The following GABRG3 variants were observed in gnomAD, a reference collection of about 807,000 sequenced individuals.
GABRG3 encodes gamma-aminobutyric acid type A receptor subunit gamma3.
In GABRG3, 25 loss-of-function variants were observed where a neutral mutation model predicts 48.8. That is an observed-to-expected ratio of 0.51 (90% CI 0.37 to 0.72). GABRG3 has a LOEUF of 0.72. Among genes scored for constraint, GABRG3 ranks in the 30% least tolerant of loss-of-function variants. GABRG3 has a pLI of 0.00. For missense variants in GABRG3, 394 were observed against 577.9 expected (o/e 0.68, Z 3.26); for synonymous variants, 227 against 217.6 (o/e 1.04, Z -0.38).
intron 3 of GABRG3, among the ~76,000 whole-genome samples, chr15:27,306,333 C>G (rs1006951891): frequency 2.9e-4 from 38 of 129,662 alleles, no homozygotes; most frequent in Admixed American, 8.4e-5. Context: ...TATATATAAA[C>G]ATAAAATATA....
At chr15:27,095,324 A>G (rs1264884416) in intron 3 of GABRG3, among the ~76,000 whole-genome samples, 1 of 152,216 alleles carries the variant, frequency 6.6e-6, no homozygotes, top group East Asian at 1.9e-4. Flanking sequence ...AGAATTGGTA[A>G]ATGCATATGC....
chr15:27,345,414 G>T lies in GABRG3; in HGVS notation c.574+16526G>T, dbSNP rs947239326. On this transcript the variant is annotated intron_variant, in intron 5 of 9. Transcript: ENST00000615808. ...ATTTTACATTTTTAACAAAGCAAAG[G>T]CTTCTTGCAAATAATATGATACTGC... 2.6e-5 allele frequency among the ~76,000 whole-genome samples: 4 copies of T among 152,246 alleles called. No individual in the cohort carries two copies. In the East Asian group the frequency reaches 5.8e-4, roughly 22 times the overall value.
chr15:27,368,528 G>T (rs1895288198), intron 5 of GABRG3, among the ~76,000 whole-genome samples: 1 of 152,186 alleles, frequency 6.6e-6, no homozygotes, highest in Non-Finnish European at 1.5e-5. Flanking sequence ...TCTGTCCAAG[G>T]TGCATAGTTG....
At chr15:27,423,978 A>G (rs1028431276) in intron 5 of GABRG3, among the ~76,000 whole-genome samples, 1 of 152,060 alleles carries the variant, frequency 6.6e-6, no homozygotes, top group Non-Finnish European at 1.5e-5. Flanking sequence ...AACATAATAC[A>G]CAGACAATAA....
intron 3 of GABRG3, among the ~76,000 whole-genome samples, chr15:27,298,494 T>C (rs1420947168): frequency 6.6e-6 from 1 of 152,068 alleles, no homozygotes; most frequent in Non-Finnish European, 1.5e-5. Context: ...GAATAGTCAA[T>C]TATGTATTCG....
At chr15:27,164,326 C>G (rs2140406151) in intron 3 of GABRG3, among the ~76,000 whole-genome samples, 1 of 152,250 alleles carries the variant, frequency 6.6e-6, no homozygotes, top group South Asian at 2.1e-4. Flanking sequence ...AGAATGAAAA[C>G]ATTCCCCCGC....
chr15:27,029,538 G>GCGCACACACA (rs546359192), intron 3 of GABRG3, among the ~76,000 whole-genome samples: 3 of 151,832 alleles, frequency 2.0e-5, no homozygotes, highest in African/African-American at 2.4e-5. Context: ...ACACATACAG[G>GCGCACACACA]CGCACACACA....
chr15:27,064,416 C>T (rs570477728), intron 3 of GABRG3, among the ~76,000 whole-genome samples: 5 of 152,240 alleles, frequency 3.3e-5, no homozygotes, highest in African/African-American at 9.6e-5. Flanking sequence ...CCCTTCTCTT[C>T]GTCCATGAAT....
intron 3 of GABRG3, among the ~76,000 whole-genome samples, chr15:27,297,154 G>C (rs1032223975): frequency 1.3e-5 from 2 of 152,112 alleles, no homozygotes; most frequent in African/African-American, 2.4e-5. Flanking sequence ...AATCGTTTTT[G>C]TATAGTAGTA....
chr15:27,409,171 AAAT>A (rs1390109760), intron 5 of GABRG3, among the ~76,000 whole-genome samples: 1 of 152,138 alleles, frequency 6.6e-6, no homozygotes, highest in Non-Finnish European at 1.5e-5. Flanking sequence ...TCATACCTAA[AAAT>A]TCATTGTCTA....
chr15:27,247,948 T>G (rs1462381405), intron 3 of GABRG3, among the ~76,000 whole-genome samples: 1 of 152,150 alleles, frequency 6.6e-6, no homozygotes, highest in African/African-American at 2.4e-5. Context: ...GAGATTTGGG[T>G]GGGGACACAG....
chr15:27,406,919 TC>T (rs1887652540), intron 5 of GABRG3, among the ~76,000 whole-genome samples: 1 of 152,176 alleles, frequency 6.6e-6, no homozygotes, highest in South Asian at 2.1e-4. Context: ...AAATTTTTTT[TC>T]TTTTTGTTGT....
intron 3 of GABRG3, among the ~76,000 whole-genome samples, chr15:27,082,266 A>T (rs1171605977): frequency 1.3e-5 from 2 of 152,204 alleles, no homozygotes; most frequent in African/African-American, 4.8e-5. Context: ...TTGACCTCTG[A>T]CCTGAAAAGC....
At chr15:27,463,790 T>C (rs1889521032) in intron 5 of GABRG3, among the ~76,000 whole-genome samples, 1 of 152,210 alleles carries the variant, frequency 6.6e-6, no homozygotes, top group Non-Finnish European at 1.5e-5. Context: ...AGAAGCACTG[T>C]GCAGGGGGAG....
chr15:27,098,886 T>C (rs1897310041), intron 3 of GABRG3, among the ~76,000 whole-genome samples: 1 of 151,742 alleles, frequency 6.6e-6, no homozygotes, highest in Admixed American at 6.6e-5. Flanking sequence ...GGACCAAAAG[T>C]CCCTGGTCAT....
At chr15:27,156,376 C>T (rs1366667542) in intron 3 of GABRG3, among the ~76,000 whole-genome samples, 1 of 148,952 alleles carries the variant, frequency 6.7e-6, no homozygotes, top group Non-Finnish European at 1.5e-5. Context: ...TGTCCTTTAA[C>T]TAGAGAGAGC....
chr15:26,984,637 C>T lies in GABRG3; in HGVS notation c.202+7487C>T, dbSNP rs1409168776. On this transcript the variant is annotated intron_variant, in intron 2 of 9. Coordinates refer to ENST00000615808, the MANE Select transcript of GABRG3 (RefSeq NM_033223.5). ...ATGTAGGGTGTCATTTTTCTTGGAACAGATCTTGTCATGTGAGCTGGGAAA... is the reference window on the plus strand; with the variant it reads ...ATGTAGGGTGTCATTTTTCTTGGAATAGATCTTGTCATGTGAGCTGGGAAA... 2.0e-5 allele frequency among the ~76,000 whole-genome samples: 3 copies of T among 152,128 alleles called. No homozygotes were observed. The East Asian group carries it at 5.8e-4, about 29-fold the overall frequency.
intron 3 of GABRG3, among the ~76,000 whole-genome samples, chr15:27,276,698 G>A (rs1891265523): frequency 6.6e-6 from 1 of 152,152 alleles, no homozygotes; most frequent in African/African-American, 2.4e-5. Flanking sequence ...CGTGGTGCAG[G>A]TCTGTGTTGC....
At chr15:27,489,428 G>C (rs535283198) in intron 6 of GABRG3, among the ~76,000 whole-genome samples, 105 of 152,196 alleles carry the variant, frequency 6.9e-4, no homozygotes, top group Admixed American at 6.7e-3. Context: ...GGTATTTCTG[G>C]TTCTGGATCC....
Sources: gnomAD v4.1 joint callset for allele counts (sites outside exome capture counted in the v4.1 genomes callset) on GRCh38, gnomAD v4.1.1 for gene constraint, MANE v1.5 for transcripts, NCBI Gene and HGNC (gene_info 2026-07-23, HGNC 2026-07-21) for gene names.